Variants in RASA3 observed in about 807,000 individuals in gnomAD.
RASA3 encodes ras GTPase-activating protein 3.
In RASA3, 73 loss-of-function variants were observed where a neutral mutation model predicts 110.0. The ratio of observed to expected loss-of-function variants is 0.66; its 90% CI spans 0.55 to 0.81. The LOEUF (loss-of-function observed/expected upper bound fraction) is 0.81. Ranked by LOEUF, RASA3 falls within the 30% of genes least tolerant of loss-of-function variation. RASA3 has a pLI of 0.00. For synonymous variants in RASA3, 500 were observed against 451.4 expected, an observed-to-expected ratio of 1.11 and a Z score of -1.37; for missense variants, 976 against 1,113.2, an observed-to-expected ratio of 0.88 and a Z score of 1.75.
chr13:114,043,837 G>GCT (rs1555334473), intron 3 of RASA3, among the ~76,000 whole-genome samples: 4 of 22,826 alleles, frequency 1.8e-4, no homozygotes, highest in African/African-American at 1.0e-3. Flanking sequence ...CACTCGCTGA[G>GCT]CCCCCCGCCC....
At chr13:114,124,923 G>A (rs189176943) in intron 1 of RASA3, among the ~76,000 whole-genome samples, 1,653 of 152,022 alleles carry the variant, frequency 0.011, 34 homozygotes, top group African/African-American at 0.038. Flanking sequence ...ATGCATAATA[G>A]ACATATACTT....
intron 1 of RASA3, among the ~76,000 whole-genome samples, chr13:114,125,045 A>G (rs946056090): frequency 2.0e-5 from 3 of 151,654 alleles, no homozygotes; most frequent in Non-Finnish European, 2.9e-5. Context: ...ATCTGCGCAC[A>G]CTCATCTGAT....
intron 22 of RASA3, among the ~76,000 whole-genome samples, chr13:113,989,460 C>T (rs2053053734): frequency 6.7e-6 from 1 of 149,418 alleles, no homozygotes; most frequent in African/African-American, 2.5e-5. Flanking sequence ...ACCCGTCACT[C>T]ACCCATCTGT....
rs140954890 is a variant in RASA3 at position 113,996,454 on chromosome 13, G to C, written c.2141+77C>G. 3 of 1,409,330 alleles carry C rather than the reference G, an allele frequency of 2.1e-6. No homozygotes were observed. In the Admixed American group the frequency reaches 5.7e-5, roughly 27 times the overall value. The allele number at this position is 1,409,330 out of a possible 1,614,324, so 87.3% of individuals were successfully genotyped here. On this transcript the variant is annotated intron_variant, in intron 21 of 23. Transcript: ENST00000334062. ...GCTTACAGGCAGGCATGCACTGTCTGCTGGTCCCTCCCTACTCAGCCCCTT... is the reference window on the plus strand; with the variant it reads ...GCTTACAGGCAGGCATGCACTGTCTCCTGGTCCCTCCCTACTCAGCCCCTT...
rs9525267 is a variant in RASA3, at chr13:114,112,963, G to T, written c.55+19472C>A. Among the ~76,000 whole-genome samples, 55,802 of 151,928 alleles carry T rather than the reference G, an allele frequency of 0.37. 10,693 individuals carry two copies. Among genetic ancestry groups the T allele is most frequent in the Non-Finnish European group, 0.42 (28,518 of 67,920 alleles). On this transcript the variant is annotated intron_variant, in intron 1 of 23. Transcript: ENST00000334062. The surrounding 1 kb of genome is among the most constrained non-coding windows in gnomAD (Gnocchi z 4.8). ...TGGGACTAGGAGGCACTAAAGGCCT[G>T]GGGGCTCAGAGAAAGGCCCAGCCCA... is the stretch of plus-strand genomic sequence containing the variant.
intron 3 of RASA3, among the ~76,000 whole-genome samples, chr13:114,042,876 G>A (rs1056162422): frequency 3.3e-5 from 5 of 152,206 alleles, no homozygotes; most frequent in Non-Finnish European, 7.3e-5. Flanking sequence ...CCCTGGAGGA[G>A]CAGGTACCAC....
At chr13:114,116,673 A>G (rs2080279400) in intron 1 of RASA3, among the ~76,000 whole-genome samples, 1 of 152,264 alleles carries the variant, frequency 6.6e-6, no homozygotes, top group African/African-American at 2.4e-5. Flanking sequence ...CTCTGCAAAT[A>G]CAGTTTCCAC....
chr13:114,018,715 A>G lies in RASA3; in HGVS notation c.942+48T>C, dbSNP rs1238908711. ...CCGGGTGTAGGGTGGGGCCCCAGGC[A>G]GGTGGCACCTCCTGCCCACACCCAC... On this transcript the variant is annotated intron_variant, in intron 10 of 23. Transcript: ENST00000334062. 10 of 1,599,944 alleles carry G rather than the reference A, an allele frequency of 6.3e-6. No individual in the cohort carries two copies. The African/African-American group carries it at 1.3e-4, about 21-fold the overall frequency.
intron 2 of RASA3, 27 bp from the exon 3 acceptor site, chr13:114,052,182 T>C (rs746743044): frequency 1.3e-5 from 20 of 1,533,516 alleles, no homozygotes; most frequent in Non-Finnish European, 1.8e-5. Context: ...AAGCGCCAGT[T>C]AGAACACAGG....
chr13:114,051,597 A>C (rs371072874), intron 3 of RASA3, among the ~76,000 whole-genome samples: 11 of 152,266 alleles, frequency 7.2e-5, no homozygotes, highest in South Asian at 4.1e-4. Flanking sequence ...GTATTGCCCC[A>C]AAAACCAGGG....
intron 2 of RASA3, among the ~76,000 whole-genome samples, chr13:114,063,371 A>G (rs2139624043): frequency 1.3e-5 from 2 of 150,008 alleles, no homozygotes; most frequent in East Asian, 3.9e-4. Flanking sequence ...TAAATACAAT[A>G]TTTATAATAC....
chr13:114,068,871 C>T (rs552929368), intron 2 of RASA3, among the ~76,000 whole-genome samples: 16 of 152,338 alleles, frequency 1.1e-4, no homozygotes, highest in Non-Finnish European at 2.1e-4. Context: ...AGGGCTTGTT[C>T]TCTGAAATGT....
Position 114,015,344 on chromosome 13 carries a change from C to T in RASA3, c.1282-12G>A, listed in dbSNP as rs1365843174. 1.2e-6 allele frequency: 2 copies of T among 1,612,290 alleles called. No homozygotes were observed. Among genetic ancestry groups the T allele is most frequent in the Admixed American group, 1.7e-5 (1 of 60,010 alleles). ...TGCCGTAGGTTCTCCTGCAACGGGA[C>T]ACGGCACTGGGACCCACTCCCGAGG... On this transcript the variant is annotated splice_polypyrimidine_tract_variant and intron_variant, in intron 13 of 23. Coordinates refer to ENST00000334062, the MANE Select transcript of RASA3 (RefSeq NM_007368.4).
intron 1 of RASA3, among the ~76,000 whole-genome samples, chr13:114,120,609 T>C (rs2080364281): frequency 6.8e-6 from 1 of 147,232 alleles, no homozygotes; most frequent in South Asian, 2.2e-4. Flanking sequence ...TCAGGGCCCC[T>C]CCCTCTCTCC....
chr13:114,070,848 C>T (rs994260004), intron 2 of RASA3, among the ~76,000 whole-genome samples: 1 of 139,630 alleles, frequency 7.2e-6, no homozygotes, highest in Non-Finnish European at 1.5e-5. Flanking sequence ...CCACGCTAAA[C>T]GGCGCCACAG....
At chr13:114,053,282 T>C (rs760293799) in intron 2 of RASA3, among the ~76,000 whole-genome samples, 10 of 152,170 alleles carry the variant, frequency 6.6e-5, no homozygotes, top group Non-Finnish European at 1.3e-4. Context: ...CAGAGGAGAC[T>C]TGAAATAACC....
chr13:114,018,902 C>A lies in RASA3; in HGVS notation c.803G>T (p.Arg268Leu). The A allele has an allele frequency of 1.2e-6, 2 of 1,613,772 alleles. No homozygotes were observed. Among genetic ancestry groups the A allele is most frequent in the African/African-American group, 1.3e-5 (1 of 75,048 alleles). Residue 268 changes from arginine (R) to leucine (L), a missense_variant, in exon 10 of 24, where the codon CGG becomes CTG. By Grantham distance (102) the Arg-to-Leu change is moderately radical. Around this residue, in one of 4 missense-constraint regions of RASA3, gnomAD observed 732 missense variants for 779.7 expected, o/e 0.94. Coordinates refer to ENST00000334062, the MANE Select transcript of RASA3 (RefSeq NM_007368.4). ...CTTTAGGCTCTTGCTACCATTGTCC[C>A]GGGGCTGGAGGAAGTACCTGGGTGG... Reference protein sequence around the residue: ...SYEAWYFLQPRDNGSKSLKPD... With the variant: ...SYEAWYFLQPLDNGSKSLKPD...
At chr13:114,015,110 AGTCTAGCCAGGGCTG>A in intron 14 of RASA3, 84 bp downstream of exon 14, 2 of 1,491,070 alleles carry the variant, frequency 1.3e-6, no homozygotes, top group South Asian at 2.4e-5. Context: ...CCGCAGTTCT[AGTCTAGCCAGGGCTG>A]CGGGGGGTTC....
intron 1 of RASA3, among the ~76,000 whole-genome samples, chr13:114,079,389 G>A (rs542915849): frequency 1.6e-4 from 24 of 152,310 alleles, no homozygotes; most frequent in Non-Finnish European, 2.6e-4. Context: ...GAGACCCTGC[G>A]GGAGAATTGG....
Sources: gnomAD v4.1 joint callset for allele counts (sites outside exome capture counted in the v4.1 genomes callset) on GRCh38, gnomAD v4.1.1 for gene constraint, gnomAD v4.1.1 regional missense constraint, Gnocchi (gnomAD v3.1) non-coding constraint, MANE v1.5 for transcripts, NCBI Gene and HGNC (gene_info 2026-07-23, HGNC 2026-07-21) for gene names.